The following PDE4D variants were observed in gnomAD, a reference collection of about 807,000 sequenced individuals.
The protein encoded by PDE4D is phosphodiesterase 4D, also known as 3',5'-cyclic-AMP phosphodiesterase 4D.
Under a neutral mutation model 87.4 loss-of-function variants are expected in PDE4D, and 24 were observed. The ratio of observed to expected loss-of-function variants is 0.27; its 90% CI spans 0.20 to 0.39. The LOEUF (loss-of-function observed/expected upper bound fraction) is 0.39. PDE4D is among the 10% of genes least tolerant of loss of function. The pLI is 1.00. For missense variants in PDE4D, 714 were observed against 1,041.0 expected (o/e 0.69, Z 4.32); for synonymous variants, 384 against 383.2 (o/e 1.00, Z -0.02).
chr5:60,282,044 G>A (rs1435436628), intron 1 of PDE4D, among the ~76,000 whole-genome samples: 2 of 151,262 alleles, frequency 1.3e-5, no homozygotes, highest in Non-Finnish European at 2.9e-5. Context: ...AAAAATGAGA[G>A]ATACTCTATT....
At chr5:58,984,948 T>A (rs1475628064) in intron 11 of PDE4D, among the ~76,000 whole-genome samples, 1 of 152,174 alleles carries the variant, frequency 6.6e-6, no homozygotes, top group Non-Finnish European at 1.5e-5. Flanking sequence ...GTTTCACTCT[T>A]GTCCAGGCTG....
At chr5:59,022,897 C>A (rs576523639) in intron 6 of PDE4D, among the ~76,000 whole-genome samples, 1 of 152,178 alleles carries the variant, frequency 6.6e-6, no homozygotes, top group Non-Finnish European at 1.5e-5. Context: ...AACCAGAGGT[C>A]GGGCACAGTG....
intron 1 of PDE4D, among the ~76,000 whole-genome samples, chr5:59,680,568 T>C (rs901742804): frequency 2.6e-5 from 4 of 152,046 alleles, no homozygotes; most frequent in African/African-American, 9.7e-5. Flanking sequence ...AACAGAACCG[T>C]GAAGTGAGTG....
chr5:59,746,753 G>A (rs1232635832), intron 1 of PDE4D, among the ~76,000 whole-genome samples: 3 of 80,044 alleles, frequency 3.7e-5, no homozygotes, highest in Non-Finnish European at 8.2e-5. Flanking sequence ...TGACACTACT[G>A]GCTGCCCACC....
intron 1 of PDE4D, among the ~76,000 whole-genome samples, chr5:60,428,277 C>A (rs1472781512): frequency 1.3e-5 from 2 of 151,312 alleles, no homozygotes; most frequent in Non-Finnish European, 1.5e-5. Context: ...AAATGATAAA[C>A]AGAGAGATAA....
At chr5:59,249,861 A>T (rs1278980691) in intron 1 of PDE4D, among the ~76,000 whole-genome samples, 1 of 151,620 alleles carries the variant, frequency 6.6e-6, no homozygotes, top group Non-Finnish European at 1.5e-5. Flanking sequence ...GTGTGTGTAT[A>T]TGTGTGTGTG....
intron 1 of PDE4D, among the ~76,000 whole-genome samples, chr5:59,849,654 T>C (rs1157176301): frequency 6.6e-6 from 1 of 151,942 alleles, no homozygotes. Flanking sequence ...AAATCATACA[T>C]GGACAAAAGA....
At chr5:59,424,852 T>C (rs1011768335) in intron 1 of PDE4D, among the ~76,000 whole-genome samples, 20 of 152,186 alleles carry the variant, frequency 1.3e-4, no homozygotes, top group African/African-American at 4.8e-4. Flanking sequence ...GGTCCATGCA[T>C]TTAGGCAAGA....
At chr5:60,346,595 G>A (rs1451261061) in intron 1 of PDE4D, among the ~76,000 whole-genome samples, 3 of 152,104 alleles carry the variant, frequency 2.0e-5, no homozygotes, top group Non-Finnish European at 2.9e-5. Context: ...ATGACTCATG[G>A]TGAGATATTA....
At chr5:59,726,793 T>C (rs1756657689) in intron 1 of PDE4D, among the ~76,000 whole-genome samples, 1 of 152,144 alleles carries the variant, frequency 6.6e-6, no homozygotes, top group Non-Finnish European at 1.5e-5. Context: ...ATAGTTCTTC[T>C]TATTCATAAA....
intron 1 of PDE4D, among the ~76,000 whole-genome samples, chr5:59,741,578 G>T (rs1468313259): frequency 6.6e-6 from 1 of 152,024 alleles, no homozygotes; most frequent in Non-Finnish European, 1.5e-5. Context: ...AAAATTTCAC[G>T]TATTTTCTTC....
intron 1 of PDE4D, among the ~76,000 whole-genome samples, chr5:59,721,287 AGGAAT>A (rs1755793048): frequency 2.0e-5 from 3 of 152,138 alleles, no homozygotes; most frequent in Admixed American, 2.0e-4. Context: ...GTCAACCCTG[AGGAAT>A]AGAAAGTTTG....
At chr5:60,385,940 A>G (rs1363479553) in intron 1 of PDE4D, among the ~76,000 whole-genome samples, 1 of 152,070 alleles carries the variant, frequency 6.6e-6, no homozygotes, top group East Asian at 1.9e-4. Flanking sequence ...CTCTCTCATC[A>G]AATTGCACAG....
intron 1 of PDE4D, among the ~76,000 whole-genome samples, chr5:59,230,493 TA>T (rs1314498284): frequency 6.6e-6 from 1 of 152,152 alleles, no homozygotes; most frequent in Non-Finnish European, 1.5e-5. Flanking sequence ...TTTTATTGAC[TA>T]AATAAGAATG....
intron 5 of PDE4D, among the ~76,000 whole-genome samples, chr5:59,160,894 A>G (rs753871153): frequency 8.5e-5 from 13 of 152,096 alleles, no homozygotes; most frequent in Non-Finnish European, 1.5e-4. Flanking sequence ...TCAGGAGTTC[A>G]AGACCAGCCT....
intron 1 of PDE4D, among the ~76,000 whole-genome samples, chr5:59,384,226 AATT>A (rs1253571628): frequency 1.3e-5 from 2 of 152,060 alleles, no homozygotes; most frequent in African/African-American, 4.8e-5. Context: ...TTTACTTAAC[AATT>A]ATTATGAGAG....
chr5:59,934,716 A>G (rs1181436765), intron 3 of PDE4D, among the ~76,000 whole-genome samples: 1 of 152,200 alleles, frequency 6.6e-6, no homozygotes, highest in Non-Finnish European at 1.5e-5. Flanking sequence ...ATATACCACA[A>G]AAGTTGTAGC....
rs6450512 is a variant in PDE4D at position 59,215,675 on chromosome 5, G to A, written c.647+102C>T. The A allele has an allele frequency of 0.43, 396,461 of 931,594 alleles. 91,558 individuals are homozygous for A. The highest frequency in any genetic ancestry group is 0.79 in the African/African-American group (48,297 of 60,928). The allele number at this position is 931,594 out of a possible 1,614,324, so 57.7% of individuals were successfully genotyped here. A position where few individuals can be genotyped will look rare whatever the true frequency, so the allele number is the denominator to read the frequency against. ...TATTCATATTCTTTCTACATTGGAGGAGAGTGATACAGTTGAACAAAAGTC... is the reference window on the plus strand; with the variant it reads ...TATTCATATTCTTTCTACATTGGAGAAGAGTGATACAGTTGAACAAAAGTC... On this transcript the variant is annotated intron_variant, in intron 2 of 14. Coordinates refer to ENST00000340635, the MANE Select transcript of PDE4D (RefSeq NM_001104631.2).
chr5:59,733,316 G>A (rs1355015273), intron 1 of PDE4D, among the ~76,000 whole-genome samples: 4 of 152,082 alleles, frequency 2.6e-5, no homozygotes, highest in South Asian at 2.1e-4. Context: ...CATGCAAAAC[G>A]TGAGATAAAA....
Sources: allele counts gnomAD v4.1 joint callset (sites outside exome capture counted in the v4.1 genomes callset), GRCh38; gene constraint gnomAD v4.1.1; transcripts MANE v1.5; gene names NCBI Gene and HGNC (gene_info 2026-07-23, HGNC 2026-07-21).